Variants in RAD51B observed in about 807,000 individuals in gnomAD.
RAD51B encodes DNA repair protein RAD51 homolog 2.
In RAD51B, 38 loss-of-function variants were observed where a neutral mutation model predicts 42.2. The observed-to-expected ratio is 0.90, with a 90% CI of 0.70 to 1.18. The LOEUF is 1.18. RAD51B is among the 50% of genes most tolerant of loss of function. RAD51B has a pLI of 0.00. For missense variants in RAD51B, 373 were observed against 400.7 expected, an observed-to-expected ratio of 0.93 and a Z score of 0.59; for synonymous variants, 154 against 145.2, an observed-to-expected ratio of 1.06 and a Z score of -0.43.
chr14:68,633,156 A>G (rs2140124390), intron 10 of RAD51B, among the ~76,000 whole-genome samples: 1 of 150,900 alleles, frequency 6.6e-6, no homozygotes. Flanking sequence ...CACCAATGCC[A>G]TTGCCTCCTG....
intron 7 of RAD51B, among the ~76,000 whole-genome samples, chr14:67,986,725 C>T (rs1026844025): frequency 6.6e-6 from 1 of 151,968 alleles, no homozygotes; most frequent in Non-Finnish European, 1.5e-5. Flanking sequence ...TTTGTTGTGG[C>T]TGCTTCTATC....
At chr14:68,654,835 G>A (rs966548369) in intron 11 of RAD51B, among the ~76,000 whole-genome samples, 8 of 152,124 alleles carry the variant, frequency 5.3e-5, no homozygotes, top group Admixed American at 3.3e-4. Context: ...CCAAGAACCC[G>A]CTTTGGCTGT....
At chr14:67,999,351 G>T (rs773073883) in intron 7 of RAD51B, among the ~76,000 whole-genome samples, 1 of 152,070 alleles carries the variant, frequency 6.6e-6, no homozygotes, top group Non-Finnish European at 1.5e-5. Flanking sequence ...ATGATTTCAG[G>T]CAGCACTAGA....
chr14:68,524,562 G>T (rs532950413), intron 10 of RAD51B, among the ~76,000 whole-genome samples: 1 of 152,092 alleles, frequency 6.6e-6, no homozygotes, highest in Admixed American at 6.5e-5. Flanking sequence ...TAACAGATCC[G>T]AGATGCATGA....
At chr14:68,052,231 G>T (rs1595328263) in intron 7 of RAD51B, among the ~76,000 whole-genome samples, 1 of 152,092 alleles carries the variant, frequency 6.6e-6, no homozygotes, top group East Asian at 1.9e-4. Context: ...TGTTTCTTAG[G>T]TCTAGCATGA....
downstream of RAD51B, among the ~76,000 whole-genome samples, chr14:68,613,869 G>C (rs1462984844): frequency 6.6e-6 from 1 of 152,174 alleles, no homozygotes; most frequent in Non-Finnish European, 1.5e-5. Context: ...AGAATGACTC[G>C]ATTTTTGGAG....
chr14:68,632,905 A>T (rs963703230), intron 10 of RAD51B, among the ~76,000 whole-genome samples: 1 of 147,020 alleles, frequency 6.8e-6, no homozygotes, highest in African/African-American at 2.5e-5. Context: ...CCTCCTGAGT[A>T]GCTGGTACTG....
chr14:68,228,827 T>C (rs991591503), intron 7 of RAD51B, among the ~76,000 whole-genome samples: 5 of 152,224 alleles, frequency 3.3e-5, no homozygotes, highest in African/African-American at 1.2e-4. Flanking sequence ...ATTTATCCTT[T>C]GCAAAATGAT....
chr14:67,928,834 A>G (rs530731783), intron 7 of RAD51B, among the ~76,000 whole-genome samples: 38 of 151,112 alleles, frequency 2.5e-4, no homozygotes, highest in Non-Finnish European at 5.5e-4. Context: ...TTTCTTAATA[A>G]CTCCTATATT....
At chr14:68,560,964 C>G (rs1302404159) in intron 10 of RAD51B, among the ~76,000 whole-genome samples, 1 of 152,166 alleles carries the variant, frequency 6.6e-6, no homozygotes, top group Non-Finnish European at 1.5e-5. Flanking sequence ...AGAAAATGGG[C>G]CAGATTCAGG....
chr14:68,382,111 C>T (rs1050670462), intron 8 of RAD51B, among the ~76,000 whole-genome samples: 2 of 152,200 alleles, frequency 1.3e-5, no homozygotes, highest in African/African-American at 4.8e-5. Flanking sequence ...ATTTATTTAG[C>T]TCTGGCCAGT....
chr14:68,589,355 C>A (rs183940156), intron 10 of RAD51B, among the ~76,000 whole-genome samples: 3 of 152,190 alleles, frequency 2.0e-5, no homozygotes, highest in Non-Finnish European at 4.4e-5. Context: ...ACCCTCCCTT[C>A]CCCCGCCTTC....
At chr14:68,066,342 T>C (rs1233428541) in intron 7 of RAD51B, among the ~76,000 whole-genome samples, 1 of 152,170 alleles carries the variant, frequency 6.6e-6, no homozygotes, top group Non-Finnish European at 1.5e-5. Context: ...TCTGATTTAG[T>C]TTTCATTTCT....
intron 8 of RAD51B, among the ~76,000 whole-genome samples, chr14:68,366,031 A>T (rs560442566): frequency 6.6e-6 from 1 of 151,972 alleles, no homozygotes; most frequent in Non-Finnish European, 1.5e-5. Flanking sequence ...TCGCTTTTTG[A>T]TAAATTAAAA....
intron 7 of RAD51B, among the ~76,000 whole-genome samples, chr14:68,013,518 T>C (rs1221611581): frequency 6.6e-6 from 1 of 152,186 alleles, no homozygotes; most frequent in Non-Finnish European, 1.5e-5. Flanking sequence ...TATTTAATAA[T>C]TGCTTATGTA....
chr14:67,950,316 AG>A (rs1320963792), intron 7 of RAD51B, among the ~76,000 whole-genome samples: 4 of 152,236 alleles, frequency 2.6e-5, no homozygotes, highest in Admixed American at 2.0e-4. Context: ...AACTTGCTGC[AG>A]CATCTACATC....
At chr14:68,220,064 A>G (rs1023652559) in intron 7 of RAD51B, among the ~76,000 whole-genome samples, 1 of 152,134 alleles carries the variant, frequency 6.6e-6, no homozygotes, top group African/African-American at 2.4e-5. Flanking sequence ...AATAGAATCA[A>G]ACAAGCAGAA....
chr14:67,827,088 A>T (rs2140281935), intron 3 of RAD51B, among the ~76,000 whole-genome samples: 1 of 152,360 alleles, frequency 6.6e-6, no homozygotes, highest in Non-Finnish European at 1.5e-5. Context: ...AACTGGCATT[A>T]GTCTTAGCTT....
chr14:68,632,340 G>A (rs1255016018), intron 10 of RAD51B, among the ~76,000 whole-genome samples: 2 of 152,164 alleles, frequency 1.3e-5, no homozygotes, highest in Non-Finnish European at 2.9e-5. Flanking sequence ...CAACCTAGAA[G>A]CACTCTCTGA....
Sources: gnomAD v4.1 joint callset for allele counts (sites outside exome capture counted in the v4.1 genomes callset) on GRCh38, gnomAD v4.1.1 for gene constraint, MANE v1.5 for transcripts, NCBI Gene and HGNC (gene_info 2026-07-23, HGNC 2026-07-21) for gene names.